The following DAB1 variants were observed in gnomAD, a reference collection of about 807,000 sequenced individuals.
DAB1 encodes DAB adaptor protein 1, also known as disabled homolog 1.
Under a neutral mutation model 64.6 loss-of-function variants are expected in DAB1, and 15 were observed. That is an observed-to-expected ratio of 0.23 (90% CI 0.16 to 0.36). The LOEUF (loss-of-function observed/expected upper bound fraction) is 0.36, where lower values mean the gene tolerates loss of function less well. Ranked by LOEUF, DAB1 falls within the 10% of genes least tolerant of loss-of-function variation. DAB1 has a pLI of 1.00. For synonymous variants in DAB1, 235 were observed against 251.9 expected (o/e 0.93, Z 0.64); for missense variants, 596 against 706.7 (o/e 0.84, Z 1.78).
At chr1:57,636,096 C>CAAAAAAAAAAAAAAAAAAAA (rs61007751) in intron 7 of DAB1, among the ~76,000 whole-genome samples, 5 of 64,992 alleles carry the variant, frequency 7.7e-5, no homozygotes, top group African/African-American at 3.2e-4. Flanking sequence ...GACACGGTCT[C>CAAAAAAAAAAAAAAAAAAAA]AAAAAAAAAA....
At chr1:57,598,184 A>G (rs1231166418) in intron 7 of DAB1, among the ~76,000 whole-genome samples, 2 of 152,188 alleles carry the variant, frequency 1.3e-5, no homozygotes, top group Non-Finnish European at 2.9e-5. Context: ...AGGTTTCACC[A>G]TGTTAGCCAG....
intron 3 of DAB1, among the ~76,000 whole-genome samples, chr1:58,403,718 G>C (rs1644592240): frequency 6.6e-6 from 1 of 152,210 alleles, no homozygotes; most frequent in Non-Finnish European, 1.5e-5. Flanking sequence ...GAAGCTCTGA[G>C]GACAAACTTG....
chr1:57,924,585 G>A lies in DAB1; in HGVS notation n.388-40423C>T, dbSNP rs557718830. Among the ~76,000 whole-genome samples, 35 of 150,762 alleles carry A rather than the reference G, an allele frequency of 2.3e-4. No homozygotes were observed. The East Asian group carries it at 5.7e-3, about 24-fold the overall frequency. ...AGCAATTCTCCTCCCTCAGCCTCCCGAGTAGCTGGGATTACAGGCACCCAC... is the reference window on the plus strand; with the variant it reads ...AGCAATTCTCCTCCCTCAGCCTCCCAAGTAGCTGGGATTACAGGCACCCAC... On this transcript the variant is annotated intron_variant and non_coding_transcript_variant, in intron 5 of 20. Coordinates refer to the DAB1 transcript ENST00000485760.
rs1886141 is a variant in DAB1, at chr1:57,788,614, G to T, written n.551+95385C>A. On this transcript the variant is annotated intron_variant and non_coding_transcript_variant, in intron 6 of 20. Transcript: ENST00000485760. ...ATGTATTTCCCACCCATGCTTAAGA[G>T]AGAGAGTCTCTTTACTCAGGATGGA... Among the ~76,000 whole-genome samples, 1,354 of 152,244 alleles carry T rather than the reference G, an allele frequency of 8.9e-3. 21 individuals are homozygous for T. Among genetic ancestry groups the T allele is most frequent in the African/African-American group, 0.031 (1,299 of 41,548 alleles).
chr1:57,997,378 C>G (rs532649563), intron 5 of DAB1, among the ~76,000 whole-genome samples: 1 of 152,216 alleles, frequency 6.6e-6, no homozygotes, highest in African/African-American at 2.4e-5. Flanking sequence ...TAACTGTGCA[C>G]TTGAATCTCT....
chr1:57,426,874 A>ATATTTTTTTT (rs57970737), upstream of DAB1, among the ~76,000 whole-genome samples: 3 of 149,184 alleles, frequency 2.0e-5, no homozygotes, highest in African/African-American at 7.4e-5. Context: ...ATATATATAT[A>ATATTTTTTTT]TTTTTTTGAG....
intron 1 of DAB1, among the ~76,000 whole-genome samples, chr1:57,371,668 G>C (rs945309038): frequency 6.6e-6 from 1 of 152,286 alleles, no homozygotes; most frequent in East Asian, 1.9e-4. Flanking sequence ...GTCAATATAG[G>C]AACAAGTATT....
intron 4 of DAB1, among the ~76,000 whole-genome samples, chr1:57,123,923 G>GT (rs1225124905): frequency 1.3e-5 from 2 of 152,016 alleles, no homozygotes; most frequent in African/African-American, 4.8e-5. Context: ...ATAATTTGCA[G>GT]TTTTTTTCTT....
At chr1:58,305,939 C>T (rs1264612954) in intron 4 of DAB1, among the ~76,000 whole-genome samples, 1 of 152,162 alleles carries the variant, frequency 6.6e-6, no homozygotes, top group Admixed American at 6.5e-5. Context: ...TTCCACAGTT[C>T]CAGTGAACTC....
At chr1:58,161,951 G>T (rs945302917) in intron 4 of DAB1, among the ~76,000 whole-genome samples, 1 of 152,078 alleles carries the variant, frequency 6.6e-6, no homozygotes, top group Admixed American at 6.6e-5. Context: ...GGGATTTGAG[G>T]GGTACAAAAG....
Position 57,742,912 on chromosome 1 carries a change from G to A in DAB1, n.552-93247C>T, listed in dbSNP as rs543577580. 4.6e-5 allele frequency among the ~76,000 whole-genome samples: 7 copies of A among 152,294 alleles called. No individual in the cohort carries two copies. In the South Asian group the frequency reaches 1.5e-3, roughly 32 times the overall value. The stretch of plus-strand genomic sequence containing the variant: ...GGCAAGAAGGTCCTGAGACCAAGCT[G>A]AGAGTTAATACCCAAAGTATGCCAT... On this transcript the variant is annotated intron_variant and non_coding_transcript_variant, in intron 6 of 20. Coordinates refer to the DAB1 transcript ENST00000485760.
At chr1:57,070,893 AC>A in intron 7 of DAB1, 129 bp downstream of exon 7, 3 of 829,084 alleles carry the variant, frequency 3.6e-6, no homozygotes, top group Non-Finnish European at 6.2e-6. Context: ...GGCAGCCCTC[AC>A]CCTCAGAAAT....
intron 4 of DAB1, among the ~76,000 whole-genome samples, chr1:58,319,828 C>T (rs1441236852): frequency 6.6e-6 from 1 of 152,230 alleles, no homozygotes; most frequent in Non-Finnish European, 1.5e-5. Context: ...CAATATCTTT[C>T]TCCCAACTTG....
At chr1:57,051,067 C>G (rs1649139348) in intron 9 of DAB1, among the ~76,000 whole-genome samples, 1 of 152,138 alleles carries the variant, frequency 6.6e-6, no homozygotes, top group South Asian at 2.1e-4. Flanking sequence ...CAAATAACCT[C>G]TTTTTAATGT....
At chr1:58,329,767 TA>T (rs1322625928) in intron 4 of DAB1, among the ~76,000 whole-genome samples, 1 of 152,240 alleles carries the variant, frequency 6.6e-6, no homozygotes, top group Non-Finnish European at 1.5e-5. Flanking sequence ...TTGATGTTAC[TA>T]TTGCAACTGT....
chr1:57,433,005 CAA>C (rs1420356143), intron 7 of DAB1, among the ~76,000 whole-genome samples: 1 of 151,940 alleles, frequency 6.6e-6, no homozygotes, highest in Non-Finnish European at 1.5e-5. Flanking sequence ...ATACATTGAA[CAA>C]AAGTTGTGCA....
At chr1:57,701,394 G>A (rs1330195226) in intron 6 of DAB1, among the ~76,000 whole-genome samples, 1 of 152,136 alleles carries the variant, frequency 6.6e-6, no homozygotes, top group African/African-American at 2.4e-5. Flanking sequence ...ATGAGTTCAT[G>A]TCCTTTGTAG....
intron 4 of DAB1, among the ~76,000 whole-genome samples, chr1:58,216,474 G>A (rs544333789): frequency 1.3e-5 from 2 of 152,144 alleles, no homozygotes; most frequent in African/African-American, 2.4e-5. Context: ...ATTGTGAATA[G>A]CACTGCAATA....
At chr1:58,115,180 C>T (rs936389030) in intron 5 of DAB1, among the ~76,000 whole-genome samples, 2 of 114,590 alleles carry the variant, frequency 1.7e-5, no homozygotes, top group South Asian at 3.5e-4. Flanking sequence ...GGGCGAAGGA[C>T]ATGAACAGAC....
Sources: gnomAD v4.1 joint callset for allele counts (sites outside exome capture counted in the v4.1 genomes callset) on GRCh38, gnomAD v4.1.1 for gene constraint, MANE v1.5 for transcripts, NCBI Gene and HGNC (gene_info 2026-07-23, HGNC 2026-07-21) for gene names.